The following CTNND2 variants were observed in gnomAD, a reference collection of about 807,000 sequenced individuals.
The protein encoded by CTNND2 is catenin delta-2.
In CTNND2, 22 loss-of-function variants were observed where a neutral mutation model predicts 144.4. The ratio of observed to expected loss-of-function variants is 0.15; its 90% CI spans 0.11 to 0.22. The LOEUF (loss-of-function observed/expected upper bound fraction) is 0.22, where lower values mean the gene tolerates loss of function less well. Ranked by LOEUF, CTNND2 falls within the 10% of genes least tolerant of loss-of-function variation. The pLI, the probability that CTNND2 is intolerant of heterozygous loss-of-function variation, is 1.00. For synonymous variants in CTNND2, 751 were observed against 695.6 expected (o/e 1.08, Z -1.25); for missense variants, 1,353 against 1,618.8 (o/e 0.84, Z 2.82).
chr5:11,044,445 G>A (rs375562708), intron 16 of CTNND2, among the ~76,000 whole-genome samples: 7 of 151,144 alleles, frequency 4.6e-5, no homozygotes, highest in African/African-American at 1.7e-4. Flanking sequence ...ATTATAGAAC[G>A]ATATTTTCTA....
At chr5:11,073,671 C>CATGG (rs1367552294) in intron 16 of CTNND2, among the ~76,000 whole-genome samples, 2 of 152,158 alleles carry the variant, frequency 1.3e-5, no homozygotes, top group African/African-American at 4.8e-5. Flanking sequence ...ACAAAGAACC[C>CATGG]ATGGCTTCAC....
intron 3 of CTNND2, among the ~76,000 whole-genome samples, chr5:11,554,300 A>G (rs1473210564): frequency 2.6e-5 from 4 of 152,230 alleles, no homozygotes; most frequent in Non-Finnish European, 5.9e-5. Flanking sequence ...GAAAAGAAGC[A>G]GAATATCAGT....
At chr5:11,784,540 A>C (rs1790728140) in intron 1 of CTNND2, among the ~76,000 whole-genome samples, 1 of 152,222 alleles carries the variant, frequency 6.6e-6, no homozygotes, top group African/African-American at 2.4e-5. Context: ...GATTAGACTA[A>C]GTTACATGAC....
intron 3 of CTNND2, among the ~76,000 whole-genome samples, chr5:11,542,433 G>A (rs944825395): frequency 6.6e-6 from 1 of 152,076 alleles, no homozygotes; most frequent in African/African-American, 2.4e-5. Context: ...TTGATGACTA[G>A]AGCAGCCAAC....
At chr5:11,051,769 A>G (rs1400372383) in intron 16 of CTNND2, among the ~76,000 whole-genome samples, 1 of 152,222 alleles carries the variant, frequency 6.6e-6, no homozygotes, top group Non-Finnish European at 1.5e-5. Flanking sequence ...TGATAGTCTG[A>G]TATTTTGTTG....
chr5:11,106,848 A>C (rs1016802621), intron 14 of CTNND2, among the ~76,000 whole-genome samples: 1 of 152,146 alleles, frequency 6.6e-6, no homozygotes, highest in African/African-American at 2.4e-5. Context: ...GGGATGTAAC[A>C]GTGATGTGTG....
chr5:11,348,447 A>AG (rs1755015362), intron 8 of CTNND2, among the ~76,000 whole-genome samples: 1 of 150,454 alleles, frequency 6.6e-6, no homozygotes, highest in Non-Finnish European at 1.5e-5. Flanking sequence ...CAAAAAAAAA[A>AG]AAAAAAAAAG....
chr5:11,191,907 T>C (rs1736284761), intron 11 of CTNND2, among the ~76,000 whole-genome samples: 1 of 152,200 alleles, frequency 6.6e-6, no homozygotes, highest in East Asian at 1.9e-4. Flanking sequence ...CTGTTCTTTC[T>C]GACTGCTGCC....
At chr5:11,546,316 G>A (rs1034352441) in intron 3 of CTNND2, among the ~76,000 whole-genome samples, 8 of 151,752 alleles carry the variant, frequency 5.3e-5, no homozygotes, top group African/African-American at 1.9e-4. Context: ...AAGCCCTGCA[G>A]CAGTTCTTTT....
chr5:11,670,155 G>A (rs1581697607), intron 2 of CTNND2, among the ~76,000 whole-genome samples: 1 of 152,284 alleles, frequency 6.6e-6, no homozygotes, highest in African/African-American at 2.4e-5. Flanking sequence ...TTGCTGAGGT[G>A]TGTTTTACTT....
Position 11,903,930 on chromosome 5 carries a change from G to C in CTNND2, c.-77C>G. On this transcript the variant is annotated 5_prime_UTR_variant, in exon 1 of 22. Coordinates refer to ENST00000304623, the MANE Select transcript of CTNND2 (RefSeq NM_001332.4). This position sits in a 1 kb window ranked among gnomAD's most constrained non-coding sequence, Gnocchi z 5.4. ...CCGCCCGGCTTCAGGGCAAGGTCCT[G>C]ACCTTGCCCAACTGCAGCATCTTCC... 3 of 1,339,282 alleles carry C rather than the reference G, an allele frequency of 2.2e-6. No individual in the cohort carries two copies. Among genetic ancestry groups the C allele is most frequent in the Non-Finnish European group, 2.9e-6 (3 of 1,047,410 alleles). The allele number at this position is 1,339,282 out of a possible 1,614,324, so 83.0% of individuals were successfully genotyped here. A position where few individuals can be genotyped will look rare whatever the true frequency, so the allele number is the denominator to read the frequency against.
chr5:11,145,437 AC>A (rs1284829840), intron 12 of CTNND2, among the ~76,000 whole-genome samples: 2 of 152,118 alleles, frequency 1.3e-5, no homozygotes, highest in African/African-American at 4.8e-5. Flanking sequence ...AGATTACACA[AC>A]CTGTAGTTTC....
Position 11,432,128 on chromosome 5 carries a change from T to TTTA in CTNND2, c.288-20060_288-20059insTAA, listed in dbSNP as rs1561384430. 9.4e-4 allele frequency among the ~76,000 whole-genome samples: 141 copies of TTTA among 150,586 alleles called. 2 individuals are homozygous for TTTA. The Middle Eastern group carries it at 0.01, about 11-fold the overall frequency. On this transcript the variant is annotated intron_variant, in intron 3 of 21. Transcript: ENST00000304623. ...CATTTTCTGAGGTTGAGGCTTTTTT[T>TTTA]TTTTTTTTTTTTTAAGTTAAGGGCT...
chr5:11,816,077 G>A (rs955572175), intron 1 of CTNND2, among the ~76,000 whole-genome samples: 18 of 152,180 alleles, frequency 1.2e-4, no homozygotes, highest in Non-Finnish European at 1.5e-5. Context: ...TGAGAGCCTG[G>A]CAAGAGGCCC....
At chr5:11,278,498 C>A (rs1044729621) in intron 9 of CTNND2, among the ~76,000 whole-genome samples, 4 of 152,006 alleles carry the variant, frequency 2.6e-5, no homozygotes, top group African/African-American at 9.7e-5. Context: ...CTAGAGGGGA[C>A]AAGCACAAAA....
Position 11,567,531 on chromosome 5 carries a change from A to AT in CTNND2, c.175-2476dup, listed in dbSNP as rs58306931. ...AGTTCATGGATTCTCTTGCAATTCAATTTTTTTTTTCCTTTTGTGTTTAAT... is the reference window on the plus strand; with the variant it reads ...AGTTCATGGATTCTCTTGCAATTCAATTTTTTTTTTTCCTTTTGTGTTTAAT... On this transcript the variant is annotated intron_variant, in intron 2 of 21. Transcript: ENST00000304623. Among the ~76,000 whole-genome samples, 264 of 149,736 alleles carry AT rather than the reference A, an allele frequency of 1.8e-3. 2 individuals carry two copies. Among genetic ancestry groups the AT allele is most frequent in the African/African-American group, 6.1e-3 (249 of 40,824 alleles).
intron 10 of CTNND2, among the ~76,000 whole-genome samples, chr5:11,215,225 C>T (rs1739052245): frequency 6.6e-6 from 1 of 152,294 alleles, no homozygotes; most frequent in African/African-American, 2.4e-5. Flanking sequence ...CTTCCAGTGC[C>T]TAAGAAGATA....
rs1738043405 is a variant in CTNND2 at position 11,903,106 on chromosome 5, C to T, written c.37+711G>A. The stretch of plus-strand genomic sequence containing the variant: ...AGAAAAAAGCAGCTTCGCTTTCAGC[C>T]ATTAATTACGGATCACCCCAATTTT... On this transcript the variant is annotated intron_variant, in intron 1 of 21. Transcript: ENST00000304623. This position sits in a 1 kb window ranked among gnomAD's most constrained non-coding sequence, Gnocchi z 5.4. 1 of 765,064 alleles carries T rather than the reference C, an allele frequency of 1.3e-6. No individual in the cohort carries two copies. The highest frequency in any genetic ancestry group is 1.9e-5 in the African/African-American group (1 of 52,904). The allele number at this position is 765,064 out of a possible 1,614,324, so 47.4% of individuals were successfully genotyped here.
At chr5:11,692,294 AAG>A (rs1284814679) in intron 2 of CTNND2, among the ~76,000 whole-genome samples, 2 of 152,248 alleles carry the variant, frequency 1.3e-5, no homozygotes, top group African/African-American at 4.8e-5. Flanking sequence ...AAATTTTAAA[AAG>A]TAAAAGAATA....
Sources: allele counts gnomAD v4.1 joint callset (sites outside exome capture counted in the v4.1 genomes callset), GRCh38; gene constraint gnomAD v4.1.1; non-coding constraint Gnocchi (gnomAD v3.1); transcripts MANE v1.5; gene names NCBI Gene and HGNC (gene_info 2026-07-23, HGNC 2026-07-21).